Variants in ZNF90 observed in about 807,000 individuals in gnomAD.
The protein encoded by ZNF90 is zinc finger protein 90.
ZNF90 carries 11 observed loss-of-function variants against 12.0 expected under a neutral mutation model. The observed-to-expected ratio is 0.92, with a 90% CI of 0.58 to 1.52. The LOEUF (loss-of-function observed/expected upper bound fraction) is 1.52. ZNF90 is among the 40% of genes most tolerant of loss of function. The pLI is 0.00. For synonymous variants in ZNF90, 232 were observed against 240.1 expected (o/e 0.97, Z 0.31); for missense variants, 765 against 711.5 (o/e 1.08, Z -0.86).
chr19:20,113,178 AT>A (rs555002168), intron 3 of ZNF90, among the ~76,000 whole-genome samples: 308 of 148,218 alleles, frequency 2.1e-3, no homozygotes, highest in South Asian at 0.019. Context: ...ACGGTTTTTT[AT>A]TTTTTTTTCT....
chr19:20,078,263 A>C, intron 1 of ZNF90, 128 bp downstream of exon 1: 2 of 1,279,982 alleles, frequency 1.6e-6, no homozygotes, highest in Non-Finnish European at 1.1e-6. Flanking sequence ...CTCCTTGCCC[A>C]GTTCGGCCTC....
chr19:20,105,102 T>A (rs557613646), intron 2 of ZNF90, 119 bp from the exon 3 acceptor site: 6 of 571,770 alleles, frequency 1.0e-5, no homozygotes, highest in African/African-American at 4.0e-5. Context: ...AAATTTTTTT[T>A]ATAACTCTAT....
intron 1 of ZNF90, among the ~76,000 whole-genome samples, chr19:20,096,070 T>G (rs2088942890): frequency 6.6e-6 from 1 of 151,270 alleles, no homozygotes; most frequent in South Asian, 2.1e-4. Flanking sequence ...TACCAGAAAA[T>G]GAAAGGAATT....
rs112976448 is a variant in ZNF90, at chr19:20,104,560, C to A, written c.130+195C>A. On this transcript the variant is annotated intron_variant, in intron 2 of 3. Transcript: ENST00000418063. ...ATCTTAATTTAAACTTTCCACTTTCCTGAGATGAGCTGTATTCTTCACTCT... is the reference window on the plus strand; with the variant it reads ...ATCTTAATTTAAACTTTCCACTTTCATGAGATGAGCTGTATTCTTCACTCT... 5.4e-3 allele frequency among the ~76,000 whole-genome samples: 822 copies of A among 152,240 alleles called. 11 individuals are homozygous for A. Among genetic ancestry groups the A allele is most frequent in the African/African-American group, 0.019 (796 of 41,522 alleles).
intron 3 of ZNF90, among the ~76,000 whole-genome samples, chr19:20,111,895 A>G (rs1378138763): frequency 4.0e-5 from 6 of 149,974 alleles, no homozygotes; most frequent in African/African-American, 9.9e-5. Flanking sequence ...GTCTCACTCT[A>G]TTGCCCAGGC....
At chr19:20,099,360 A>G (rs782251322) in intron 1 of ZNF90, among the ~76,000 whole-genome samples, 2 of 152,124 alleles carry the variant, frequency 1.3e-5, no homozygotes, top group East Asian at 1.9e-4. Context: ...TTATGAGGCA[A>G]TTCTCCTAAC....
chr19:20,116,415 C>G (rs1315994491), intron 3 of ZNF90, among the ~76,000 whole-genome samples: 2 of 152,276 alleles, frequency 1.3e-5, no homozygotes, highest in East Asian at 3.9e-4. Flanking sequence ...TGTGATTTTC[C>G]CACCTTAACC....
chr19:20,117,297 G>A (rs2089146599), intron 3 of ZNF90, among the ~76,000 whole-genome samples: 2 of 152,210 alleles, frequency 1.3e-5, no homozygotes, highest in East Asian at 1.9e-4. Flanking sequence ...ACCTGCCTTG[G>A]TCTCCCAAAG....
intron 2 of ZNF90, among the ~76,000 whole-genome samples, chr19:20,104,634 C>T (rs1225260372): frequency 1.3e-5 from 2 of 152,168 alleles, no homozygotes; most frequent in African/African-American, 4.8e-5. Context: ...ATTGTTACCT[C>T]CACCTGAAAA....
At position 20,119,160 on chromosome 19, in the gene ZNF90, C is replaced by T. The variant is rs782287049; in HGVS notation, c.1606C>T (p.Pro536Ser). 2 of 1,612,986 alleles carry T rather than the reference C, an allele frequency of 1.2e-6. No homozygotes were observed. The change falls in exon 4 of 4, where the codon CCC becomes TCC. Residue 536 changes from proline (P) to serine (S), a missense_variant. By Grantham distance (74) the Pro-to-Ser change is moderately conservative. Transcript: ENST00000418063. ...KHKIIHTGAKPYKCEECGKAF... is the reference protein window; with the variant it reads ...KHKIIHTGAKSYKCEECGKAF... ...TAAGATAATTCATACTGGAGCGAAA[C>T]CCTACAAATGTGAAGAATGTGGCAA...
intron 3 of ZNF90, among the ~76,000 whole-genome samples, chr19:20,113,540 C>T (rs2089109383): frequency 6.6e-6 from 1 of 151,748 alleles, no homozygotes; most frequent in South Asian, 2.1e-4. Flanking sequence ...TAAAAACTCT[C>T]CTAATCTTGC....
At chr19:20,102,465 G>A (rs193031726) in intron 1 of ZNF90, among the ~76,000 whole-genome samples, 2 of 152,262 alleles carry the variant, frequency 1.3e-5, no homozygotes. Context: ...ACAGCAATAG[G>A]GACTAGTGGT....
At chr19:20,103,310 C>G (rs1240473825) in intron 1 of ZNF90, among the ~76,000 whole-genome samples, 2 of 152,236 alleles carry the variant, frequency 1.3e-5, no homozygotes, top group East Asian at 3.9e-4. Context: ...GGAATAGGAG[C>G]CTAGGAGGGC....
chr19:20,116,351 G>A (rs781959719), intron 3 of ZNF90, among the ~76,000 whole-genome samples: 2 of 152,054 alleles, frequency 1.3e-5, no homozygotes, highest in Non-Finnish European at 2.9e-5. Context: ...TGAGTTTTTA[G>A]TAGATACAGG....
intron 3 of ZNF90, among the ~76,000 whole-genome samples, chr19:20,111,865 A>AT (rs34302162): frequency 0.35 from 52,122 of 147,910 alleles, 12,791 homozygotes; most frequent in African/African-American, 0.7. Context: ...ATTTATGCAG[A>AT]TTTTTTTTTT....
chr19:20,089,806 C>T (rs1007424608), intron 1 of ZNF90, among the ~76,000 whole-genome samples: 1 of 152,088 alleles, frequency 6.6e-6, no homozygotes, highest in Non-Finnish European at 1.5e-5. Flanking sequence ...CCCAGTCTGT[C>T]TGTAAGGTGG....
intron 1 of ZNF90, among the ~76,000 whole-genome samples, chr19:20,084,143 T>A (rs1243441853): frequency 2.0e-5 from 3 of 151,638 alleles, no homozygotes; most frequent in African/African-American, 7.3e-5. Flanking sequence ...AAACTCCACC[T>A]CCCAGGTTCA....
At chr19:20,080,237 C>A in intron 1 of ZNF90, 7 of 582,330 alleles carry the variant, frequency 1.2e-5, no homozygotes, top group Non-Finnish European at 2.4e-5. Flanking sequence ...TTGATGAGCA[C>A]GATGCAATTC....
chr19:20,119,938 T>C lies in ZNF90; in HGVS notation c.*578T>C, dbSNP rs1360644012. The stretch of plus-strand genomic sequence containing the variant: ...GATAATTCATGCTGAAGAGGAACTT[T>C]ACAAACTTGAAAGATGTGACAGTGC... On this transcript the variant is annotated 3_prime_UTR_variant, in exon 4 of 4. Transcript: ENST00000418063. Among the ~76,000 whole-genome samples, 1 of 152,204 alleles carries C rather than the reference T, an allele frequency of 6.6e-6. No individual in the cohort carries two copies. Among genetic ancestry groups the C allele is most frequent in the Non-Finnish European group, 1.5e-5 (1 of 68,032 alleles).
Sources: gnomAD v4.1 joint callset for allele counts (sites outside exome capture counted in the v4.1 genomes callset) on GRCh38, gnomAD v4.1.1 for gene constraint, MANE v1.5 for transcripts, NCBI Gene and HGNC (gene_info 2026-07-23, HGNC 2026-07-21) for gene names.